Variants in STOX1 observed in about 807,000 individuals in gnomAD.
The protein encoded by STOX1 is storkhead-box protein 1.
Under a neutral mutation model 74.8 loss-of-function variants are expected in STOX1, and 57 were observed. That is an observed-to-expected ratio of 0.76 (90% CI 0.62 to 0.95). The LOEUF is 0.95. Ranked by LOEUF, STOX1 falls within the 40% of genes least tolerant of loss-of-function variation. The pLI is 0.00. For missense variants in STOX1, 1,010 were observed against 1,117.0 expected (o/e 0.90, Z 1.37); for synonymous variants, 375 against 401.3 (o/e 0.93, Z 0.78).
intron 1 of STOX1, among the ~76,000 whole-genome samples, chr10:68,867,840 C>T (rs901861409): frequency 6.6e-6 from 1 of 152,234 alleles, no homozygotes; most frequent in South Asian, 2.1e-4. Context: ...TTCCTCAGTT[C>T]GGAAACCAGG....
At chr10:68,851,299 TAA>T (rs35166698) in intron 1 of STOX1, among the ~76,000 whole-genome samples, 5 of 108,592 alleles carry the variant, frequency 4.6e-5, no homozygotes, top group Non-Finnish European at 4.0e-5. Context: ...TGAGACTTTC[TAA>T]AAAAAAAAAA....
intron 3 of STOX1, 52 bp from the exon 4 acceptor site, chr10:68,892,537 A>G: frequency 6.4e-7 from 1 of 1,560,464 alleles, no homozygotes; most frequent in Non-Finnish European, 8.8e-7. Flanking sequence ...CCTTGGTTAG[A>G]AATTCAAGTT....
chr10:68,871,270 G>A (rs1445425633), intron 1 of STOX1, among the ~76,000 whole-genome samples: 1 of 152,194 alleles, frequency 6.6e-6, no homozygotes, highest in Non-Finnish European at 1.5e-5. Context: ...GAGGCTCAAA[G>A]GGCACCCCCG....
chr10:68,874,013 C>CTTTTTTTT (rs1160388935), intron 1 of STOX1, among the ~76,000 whole-genome samples: 611 of 25,744 alleles, frequency 0.024, 137 homozygotes, highest in African/African-American at 0.052. Context: ...GCTAGGTAGC[C>CTTTTTTTT]TTTTTTTTTT....
intron 1 of STOX1, among the ~76,000 whole-genome samples, chr10:68,842,135 C>T (rs2133509459): frequency 6.6e-6 from 1 of 152,232 alleles, no homozygotes; most frequent in African/African-American, 2.4e-5. Flanking sequence ...TTGCCTTGCT[C>T]CAAAGTTGTG....
downstream of STOX1, among the ~76,000 whole-genome samples, chr10:68,894,341 A>G (rs1841155474): frequency 6.6e-6 from 1 of 152,172 alleles, no homozygotes; most frequent in South Asian, 2.1e-4. Flanking sequence ...TACAGGTGTG[A>G]ATGACTGAAT....
chr10:68,883,159 C>T (rs907026061), intron 2 of STOX1, among the ~76,000 whole-genome samples: 1 of 150,440 alleles, frequency 6.6e-6, no homozygotes, highest in Admixed American at 6.7e-5. Flanking sequence ...GGGCGGATCA[C>T]GAGGTCAAGA....
intron 1 of STOX1, among the ~76,000 whole-genome samples, chr10:68,874,322 C>T (rs1311390959): frequency 6.6e-6 from 1 of 152,058 alleles, no homozygotes; most frequent in Non-Finnish European, 1.5e-5. Flanking sequence ...CCCTGACCTG[C>T]GTTCTTTGTT....
At chr10:68,849,568 G>A (rs1017931342) in intron 1 of STOX1, among the ~76,000 whole-genome samples, 1 of 152,088 alleles carries the variant, frequency 6.6e-6, no homozygotes, top group Non-Finnish European at 1.5e-5. Context: ...CCTCAACCAG[G>A]GGAGGTTCAT....
intron 1 of STOX1, among the ~76,000 whole-genome samples, chr10:68,834,928 T>C (rs1839505334): frequency 6.6e-6 from 1 of 152,194 alleles, no homozygotes; most frequent in African/African-American, 2.4e-5. Flanking sequence ...TTCTCCATGT[T>C]GGCCAGGCTG....
At position 68,884,443 on chromosome 10, in the gene STOX1, C is replaced by G; in HGVS notation, c.647C>G (p.Ala216Gly). 6.2e-7 allele frequency: 1 copy of G among 1,613,948 alleles called. No homozygotes were observed. The highest frequency in any genetic ancestry group is 8.5e-7 in the Non-Finnish European group (1 of 1,180,030). Residue 216 changes from alanine to glycine, a missense_variant, in exon 3 of 4, where the codon GCT becomes GGT. By Grantham distance (60) the Ala-to-Gly change is moderately conservative (BLOSUM62 0). Coordinates refer to ENST00000298596, the MANE Select transcript of STOX1 (RefSeq NM_152709.5). Reference protein sequence around the residue: ...LPSDESRLMPASMTYLVSMES... With the variant: ...LPSDESRLMPGSMTYLVSMES... ...TCAGATGAAAGTCGCCTGATGCCAG[C>G]TTCCATGACATATCTGGTGAGCATG...
chr10:68,850,021 T>C (rs1034856564), intron 1 of STOX1, among the ~76,000 whole-genome samples: 1 of 152,092 alleles, frequency 6.6e-6, no homozygotes, highest in Admixed American at 6.6e-5. Context: ...GTTTTTTGTT[T>C]TTGTTTTTGT....
intron 1 of STOX1, among the ~76,000 whole-genome samples, chr10:68,836,453 A>G (rs1448692579): frequency 2.0e-5 from 3 of 152,204 alleles, no homozygotes; most frequent in East Asian, 1.9e-4. Context: ...GACTTGTGCT[A>G]ATCATTGCTT....
intron 1 of STOX1, among the ~76,000 whole-genome samples, chr10:68,848,583 A>C (rs536287125): frequency 1.3e-5 from 2 of 152,366 alleles, no homozygotes; most frequent in South Asian, 4.1e-4. Context: ...TGTGGTTGCA[A>C]GGATTAAATG....
intron 1 of STOX1, among the ~76,000 whole-genome samples, chr10:68,879,276 C>A (rs1840752336): frequency 6.6e-6 from 1 of 152,104 alleles, no homozygotes; most frequent in Non-Finnish European, 1.5e-5. Flanking sequence ...CCGCCATCCT[C>A]TCATTCCCAT....
intron 2 of STOX1, 30 bp from the exon 3 acceptor site, chr10:68,884,230 A>G (rs1008176791): frequency 6.2e-7 from 1 of 1,609,186 alleles, no homozygotes; most frequent in South Asian, 1.1e-5. Flanking sequence ...CTTATTCAAA[A>G]TCTATCTGTA....
chr10:68,867,516 C>A (rs1240820479), intron 1 of STOX1, among the ~76,000 whole-genome samples: 1 of 152,148 alleles, frequency 6.6e-6, no homozygotes, highest in Non-Finnish European at 1.5e-5. Flanking sequence ...TGCCCAGTGT[C>A]CTCTGGAAAA....
At chr10:68,883,116 G>A (rs1489450711) in intron 2 of STOX1, among the ~76,000 whole-genome samples, 1 of 151,526 alleles carries the variant, frequency 6.6e-6, no homozygotes, top group African/African-American at 2.4e-5. Flanking sequence ...GGTGGCTCAC[G>A]CCTGTAATCC....
intron 1 of STOX1, among the ~76,000 whole-genome samples, chr10:68,861,212 C>T (rs1230211279): frequency 1.3e-5 from 2 of 152,068 alleles, no homozygotes; most frequent in Non-Finnish European, 1.5e-5. Context: ...AGCTGAGAGC[C>T]TCAAACAGAG....
Sources: gnomAD v4.1 joint callset for allele counts (sites outside exome capture counted in the v4.1 genomes callset) on GRCh38, gnomAD v4.1.1 for gene constraint, MANE v1.5 for transcripts, NCBI Gene and HGNC (gene_info 2026-07-23, HGNC 2026-07-21) for gene names.